The following PCDH15 variants were observed in gnomAD, a reference collection of about 807,000 sequenced individuals.
PCDH15 encodes the protein protocadherin-15.
In PCDH15, 129 loss-of-function variants were observed where a neutral mutation model predicts 178.5. That is an observed-to-expected ratio of 0.72 (90% CI 0.63 to 0.84). The LOEUF is 0.84. Among genes scored for constraint, PCDH15 ranks in the 40% least tolerant of loss-of-function variants. The pLI, the probability that PCDH15 is intolerant of heterozygous loss-of-function variation, is 0.00. For missense variants in PCDH15, 2,230 were observed against 2,099.9 expected, an observed-to-expected ratio of 1.06 and a Z score of -1.21; for synonymous variants, 800 against 732.0, an observed-to-expected ratio of 1.09 and a Z score of -1.50.
chr10:55,496,644 A>T (rs1390929327), intron 2 of PCDH15, among the ~76,000 whole-genome samples: 2 of 151,802 alleles, frequency 1.3e-5, no homozygotes, highest in Non-Finnish European at 2.9e-5. Flanking sequence ...GTTTGAATTC[A>T]TTTTAATTTT....
intron 3 of PCDH15, among the ~76,000 whole-genome samples, chr10:54,454,967 A>T (rs1467024084): frequency 1.3e-5 from 2 of 152,066 alleles, no homozygotes; most frequent in African/African-American, 4.8e-5. Context: ...TAATTTAATC[A>T]TGGGGGCGAT....
In PCDH15 at chr10:55,282,046, A is replaced by G. The variant is rs551310461; in HGVS notation, c.-156+37553T>C. Among the ~76,000 whole-genome samples, 9 of 152,290 alleles carry G rather than the reference A, an allele frequency of 5.9e-5. No homozygotes were observed. The South Asian group carries it at 1.9e-3, about 32-fold the overall frequency. ...TTGACTTTGGCTAACCCTTTTCCCC[A>G]GCGCCAAGAAAGAGCAATGTTTTAA... On this transcript the variant is annotated intron_variant, in intron 1 of 5. Transcript: ENST00000458638.
At chr10:54,198,279 A>T (rs4278430) in intron 10 of PCDH15, among the ~76,000 whole-genome samples, 2 of 151,750 alleles carry the variant, frequency 1.3e-5, no homozygotes, top group Non-Finnish European at 2.9e-5. Flanking sequence ...GACCAGGGCA[A>T]GAGGTAGAGT....
In PCDH15 at chr10:55,367,750, C is replaced by A. The variant is rs139549964; in HGVS notation, c.-155-201099G>T. Among the ~76,000 whole-genome samples the A allele has an allele frequency of 6.3e-3, 958 of 152,212 alleles. 11 individuals are homozygous for A. The highest frequency in any genetic ancestry group is 0.022 in the African/African-American group (912 of 41,540). Reference sequence around the variant, plus strand: ...GGTGTTTGCCTTATTTGGGCTGGATCCAGCAGGAAGTCCCTAGTTAGAGAA... The same window carrying A: ...GGTGTTTGCCTTATTTGGGCTGGATACAGCAGGAAGTCCCTAGTTAGAGAA... On this transcript the variant is annotated intron_variant, in intron 2 of 5. Transcript: ENST00000613346.
chr10:54,983,169 T>C, intron 2 of PCDH15, among the ~76,000 whole-genome samples: 1 of 152,296 alleles, frequency 6.6e-6, no homozygotes, highest in Middle Eastern at 3.4e-3. Context: ...TAAATATTAA[T>C]ACTTGATTTA....
At chr10:55,591,359 C>T (rs1842839373) in intron 2 of PCDH15, among the ~76,000 whole-genome samples, 1 of 152,038 alleles carries the variant, frequency 6.6e-6, no homozygotes, top group African/African-American at 2.4e-5. Context: ...TGCTTGAGCC[C>T]AGGAGATGGA....
chr10:55,122,500 T>A (rs117711285), intron 2 of PCDH15, among the ~76,000 whole-genome samples: 1 of 152,030 alleles, frequency 6.6e-6, no homozygotes, highest in African/African-American at 2.4e-5. Context: ...TATAAAAGCA[T>A]AGAATTGAGA....
At chr10:54,513,404 G>A (rs1431741662) in intron 3 of PCDH15, among the ~76,000 whole-genome samples, 3 of 151,912 alleles carry the variant, frequency 2.0e-5, no homozygotes, top group Non-Finnish European at 4.4e-5. Flanking sequence ...GAGATTACAG[G>A]TGCACGCCCC....
chr10:55,155,687 G>A (rs1312435521), intron 2 of PCDH15, among the ~76,000 whole-genome samples: 2 of 151,850 alleles, frequency 1.3e-5, no homozygotes, highest in African/African-American at 4.8e-5. Context: ...ATAATTATTG[G>A]GGCTGTTTCC....
chr10:54,214,087 A>C, intron 9 of PCDH15, 39 bp from the exon 10 acceptor site: 1 of 1,081,966 alleles, frequency 9.2e-7, no homozygotes, highest in Non-Finnish European at 1.4e-6. Flanking sequence ...ATTGAGAACA[A>C]TAAGTAATAT....
At chr10:55,220,314 T>A (rs1011266260) in intron 1 of PCDH15, among the ~76,000 whole-genome samples, 1 of 152,062 alleles carries the variant, frequency 6.6e-6, no homozygotes, top group African/African-American at 2.4e-5. Flanking sequence ...GCTCTTTTTT[T>A]AAAACACATT....
At chr10:53,809,170 T>A in intron 37 of PCDH15, 2 of 1,613,982 alleles carry the variant, frequency 1.2e-6, no homozygotes, top group Non-Finnish European at 1.7e-6. Flanking sequence ...TGTCTCTGAC[T>A]CAGATTCCTC....
intron 14 of PCDH15, among the ~76,000 whole-genome samples, chr10:54,135,720 T>C (rs1165419919): frequency 6.6e-6 from 1 of 152,200 alleles, no homozygotes; most frequent in Non-Finnish European, 1.5e-5. Context: ...TCCTACAACG[T>C]TATTGGTAAT....
At chr10:54,886,506 A>C (rs2131811319) in intron 3 of PCDH15, among the ~76,000 whole-genome samples, 1 of 152,338 alleles carries the variant, frequency 6.6e-6, no homozygotes, top group South Asian at 2.1e-4. Flanking sequence ...TCATGCCTGT[A>C]ATCCCAGCAC....
intron 2 of PCDH15, chr10:54,607,828 A>T (rs2092808994): frequency 1.9e-6 from 1 of 526,012 alleles, no homozygotes; most frequent in Non-Finnish European, 3.9e-6. Flanking sequence ...TAAGGAAGAG[A>T]TATGATGCCA....
At chr10:53,866,025 C>T (rs1036645586) in intron 27 of PCDH15, among the ~76,000 whole-genome samples, 1 of 152,116 alleles carries the variant, frequency 6.6e-6, no homozygotes, top group Non-Finnish European at 1.5e-5. Context: ...ACTTCCCTTT[C>T]AAATGATCTA....
intron 1 of PCDH15, among the ~76,000 whole-genome samples, chr10:55,171,160 T>A (rs1839322319): frequency 6.6e-6 from 1 of 152,142 alleles, no homozygotes; most frequent in South Asian, 2.1e-4. Context: ...ACACCAAAAT[T>A]AGCATGTCAG....
intron 1 of PCDH15, among the ~76,000 whole-genome samples, chr10:55,209,500 G>T (rs546651203): frequency 6.6e-6 from 1 of 151,990 alleles, no homozygotes; most frequent in East Asian, 1.9e-4. Context: ...GGTGATGGAT[G>T]AGGACGTGAG....
intron 2 of PCDH15, among the ~76,000 whole-genome samples, chr10:55,551,108 A>G (rs1029785239): frequency 2.0e-5 from 3 of 152,054 alleles, no homozygotes; most frequent in Non-Finnish European, 4.4e-5. Flanking sequence ...CACCACCCAC[A>G]GGTGATTGTT....
Sources: gnomAD v4.1 joint callset for allele counts (sites outside exome capture counted in the v4.1 genomes callset) on GRCh38, gnomAD v4.1.1 for gene constraint, MANE v1.5 for transcripts, NCBI Gene and HGNC (gene_info 2026-07-23, HGNC 2026-07-21) for gene names.